The following GPC6 variants were observed in gnomAD, a reference collection of about 807,000 sequenced individuals.
GPC6 encodes the protein glypican-6.
In GPC6, 14 loss-of-function variants were observed where a neutral mutation model predicts 55.2. The observed-to-expected ratio is 0.25, with a 90% CI of 0.17 to 0.40. GPC6 has a LOEUF of 0.40. GPC6 is among the 10% of genes least tolerant of loss of function. GPC6 has a pLI of 1.00. For missense variants in GPC6, 641 were observed against 708.5 expected (o/e 0.90, Z 1.08); for synonymous variants, 278 against 259.6 (o/e 1.07, Z -0.68).
chr13:93,803,300 A>G (rs1318772006), intron 2 of GPC6, among the ~76,000 whole-genome samples: 2 of 152,164 alleles, frequency 1.3e-5, no homozygotes, highest in Non-Finnish European at 1.5e-5. Context: ...TTGAATAGAC[A>G]TTTCTTGAAA....
At chr13:93,984,559 T>A (rs1880942763) in intron 3 of GPC6, among the ~76,000 whole-genome samples, 1 of 152,202 alleles carries the variant, frequency 6.6e-6, no homozygotes. Flanking sequence ...ATCATAGGAC[T>A]TTCCTTAGAT....
chr13:93,442,446 G>A (rs1263991034), intron 1 of GPC6, among the ~76,000 whole-genome samples: 1 of 152,222 alleles, frequency 6.6e-6, no homozygotes, highest in Non-Finnish European at 1.5e-5. Context: ...ATGAATGAAT[G>A]TTCCTCAGAA....
intron 2 of GPC6, among the ~76,000 whole-genome samples, chr13:93,678,558 T>G (rs2138761923): frequency 6.6e-6 from 1 of 152,264 alleles, no homozygotes; most frequent in Middle Eastern, 3.4e-3. Flanking sequence ...CTGGCAACAC[T>G]TAAACCTAGA....
At chr13:93,623,224 T>G (rs1879033431) in intron 2 of GPC6, among the ~76,000 whole-genome samples, 1 of 152,246 alleles carries the variant, frequency 6.6e-6, no homozygotes, top group Non-Finnish European at 1.5e-5. Context: ...AAAAAAATAA[T>G]AAAAAGCCAT....
intron 1 of GPC6, among the ~76,000 whole-genome samples, chr13:93,483,737 T>C (rs1170698775): frequency 6.6e-6 from 1 of 152,186 alleles, no homozygotes; most frequent in African/African-American, 2.4e-5. Context: ...GCAATAAGAA[T>C]GCGGCTCATG....
chr13:93,938,229 T>C (rs537335711), intron 3 of GPC6, among the ~76,000 whole-genome samples: 27 of 152,216 alleles, frequency 1.8e-4, no homozygotes, highest in Admixed American at 4.6e-4. Context: ...CAAACCTAAT[T>C]TGATGCTGAA....
chr13:93,301,352 A>G (rs1054437752), intron 1 of GPC6, among the ~76,000 whole-genome samples: 4 of 152,208 alleles, frequency 2.6e-5, no homozygotes, highest in Non-Finnish European at 5.9e-5. Flanking sequence ...AGAAGTTTTC[A>G]AAGAGAAAAC....
chr13:93,781,914 A>G (rs994551249), intron 2 of GPC6, among the ~76,000 whole-genome samples: 3 of 152,202 alleles, frequency 2.0e-5, no homozygotes, highest in Admixed American at 6.5e-5. Flanking sequence ...TTTTATTAGC[A>G]TATGTATTAT....
chr13:94,110,455 G>T (rs1398706519), intron 4 of GPC6, among the ~76,000 whole-genome samples: 2 of 152,052 alleles, frequency 1.3e-5, no homozygotes, highest in African/African-American at 4.8e-5. Context: ...GGTTGAAAAT[G>T]GGGCCGAAGG....
chr13:93,886,884 C>G (rs989404873), intron 3 of GPC6, among the ~76,000 whole-genome samples: 1 of 151,086 alleles, frequency 6.6e-6, no homozygotes, highest in Non-Finnish European at 1.5e-5. Context: ...AGAAGAAATT[C>G]TATGATTGAT....
At chr13:93,821,462 G>C (rs1887043666) in intron 2 of GPC6, among the ~76,000 whole-genome samples, 1 of 152,102 alleles carries the variant, frequency 6.6e-6, no homozygotes, top group South Asian at 2.1e-4. Context: ...CATTGTCCTG[G>C]GTGCTGAACC....
At chr13:94,387,849 CT>C in intron 7 of GPC6, among the ~76,000 whole-genome samples, 1 of 152,162 alleles carries the variant, frequency 6.6e-6, no homozygotes, top group South Asian at 2.1e-4. Context: ...GCACCTTGGT[CT>C]TGGACACCAT....
At chr13:93,781,281 A>C (rs964664999) in intron 2 of GPC6, among the ~76,000 whole-genome samples, 12 of 152,048 alleles carry the variant, frequency 7.9e-5, no homozygotes, top group Admixed American at 7.9e-4. Context: ...TCTCCGAAAA[A>C]AAAAAAAAAG....
At chr13:94,187,667 G>C (rs903358861) in intron 4 of GPC6, among the ~76,000 whole-genome samples, 2 of 152,164 alleles carry the variant, frequency 1.3e-5, no homozygotes, top group Non-Finnish European at 2.9e-5. Context: ...AGGTGCTGGA[G>C]TTACAACAGT....
chr13:94,283,490 G>A (rs1892445784), intron 4 of GPC6, among the ~76,000 whole-genome samples: 1 of 152,196 alleles, frequency 6.6e-6, no homozygotes, highest in South Asian at 2.1e-4. Context: ...TTGGCCCAGA[G>A]GCGTGGCTTT....
intron 1 of GPC6, among the ~76,000 whole-genome samples, chr13:93,262,036 A>G (rs1877167677): frequency 6.6e-6 from 1 of 152,120 alleles, no homozygotes; most frequent in Non-Finnish European, 1.5e-5. Context: ...GTCAAGATAC[A>G]TAAATTCTGA....
chr13:93,248,669 G>A (rs1876687313), intron 1 of GPC6, among the ~76,000 whole-genome samples: 1 of 152,168 alleles, frequency 6.6e-6, no homozygotes, highest in Admixed American at 6.5e-5. Context: ...TACCTCCCGG[G>A]CACTGCTGGG....
chr13:93,335,308 C>G (rs1254533406), intron 1 of GPC6, among the ~76,000 whole-genome samples: 1 of 152,176 alleles, frequency 6.6e-6, no homozygotes, highest in African/African-American at 2.4e-5. Flanking sequence ...AGTTTATTAT[C>G]ATAATAATAC....
intron 1 of GPC6, among the ~76,000 whole-genome samples, chr13:93,428,453 G>A (rs575781516): frequency 1.1e-4 from 17 of 152,070 alleles, no homozygotes; most frequent in African/African-American, 3.9e-4. Flanking sequence ...ATTTCTCAGG[G>A]ATAAAAATCT....
Sources: gnomAD v4.1 joint callset for allele counts (sites outside exome capture counted in the v4.1 genomes callset) on GRCh38, gnomAD v4.1.1 for gene constraint, MANE v1.5 for transcripts, NCBI Gene and HGNC (gene_info 2026-07-23, HGNC 2026-07-21) for gene names.